Variants in SOX5 observed in about 807,000 individuals in gnomAD.
The protein encoded by SOX5 is SRY-box transcription factor 5.
Under a neutral mutation model 92.0 loss-of-function variants are expected in SOX5, and 9 were observed. That is an observed-to-expected ratio of 0.10 (90% CI 0.06 to 0.17). SOX5 has a LOEUF of 0.17. SOX5 is among the 10% of genes least tolerant of loss of function. The pLI, the probability that SOX5 is intolerant of heterozygous loss-of-function variation, is 1.00. For synonymous variants in SOX5, 344 were observed against 336.3 expected, an observed-to-expected ratio of 1.02 and a Z score of -0.25; for missense variants, 642 against 944.5, an observed-to-expected ratio of 0.68 and a Z score of 4.20.
chr12:24,012,917 A>G (rs28569416), intron 4 of SOX5, among the ~76,000 whole-genome samples: 22,711 of 152,136 alleles, frequency 0.15, 1,861 homozygotes, highest in Non-Finnish European at 0.19. Flanking sequence ...AGTAGAAGCA[A>G]TAGGAACTAT....
rs529703660 is a variant in SOX5 at position 23,947,570 on chromosome 12, C to T, written c.38+1994G>A. Among the ~76,000 whole-genome samples the T allele has an allele frequency of 3.3e-5, 5 of 151,602 alleles. No homozygotes were observed. The East Asian group carries it at 5.8e-4, about 18-fold the overall frequency. On this transcript the variant is annotated intron_variant, in intron 1 of 14. Transcript: ENST00000451604. ...AACCACAGGGGAAATTATTAAGGAA[C>T]GTTATATTGTGTGACATTTTTCAGA...
At chr12:24,418,981 G>A (rs552687242) in intron 1 of SOX5, among the ~76,000 whole-genome samples, 15 of 152,148 alleles carry the variant, frequency 9.9e-5, no homozygotes, top group Non-Finnish European at 2.2e-4. Flanking sequence ...ACCTAGATTG[G>A]CCCAGAAATT....
intron 4 of SOX5, among the ~76,000 whole-genome samples, chr12:24,030,074 A>G (rs1955316472): frequency 6.6e-6 from 1 of 151,950 alleles, no homozygotes; most frequent in Non-Finnish European, 1.5e-5. Context: ...CACAAGCTCA[A>G]TTACATAGTA....
chr12:24,097,336 T>C (rs999724633), intron 4 of SOX5, among the ~76,000 whole-genome samples: 2 of 152,212 alleles, frequency 1.3e-5, no homozygotes, highest in Admixed American at 1.3e-4. Context: ...TATACTCTTT[T>C]ATAGTGTCCT....
At chr12:24,128,533 C>T (rs1349740096) in intron 4 of SOX5, among the ~76,000 whole-genome samples, 1 of 152,140 alleles carries the variant, frequency 6.6e-6, no homozygotes, top group African/African-American at 2.4e-5. Flanking sequence ...GATATTTTGG[C>T]TGAGACCTAA....
At chr12:23,667,609 G>C (rs1057038826) in intron 6 of SOX5, among the ~76,000 whole-genome samples, 1 of 152,084 alleles carries the variant, frequency 6.6e-6, no homozygotes, top group African/African-American at 2.4e-5. Flanking sequence ...AATTGTTCAA[G>C]ATCCCATATT....
chr12:23,601,034 A>G (rs1441522190), intron 9 of SOX5, among the ~76,000 whole-genome samples: 1 of 152,136 alleles, frequency 6.6e-6, no homozygotes, highest in Non-Finnish European at 1.5e-5. Context: ...CAGGAATGCT[A>G]AGTGAAATCA....
At chr12:23,886,323 G>T (rs1238589203) in intron 2 of SOX5, among the ~76,000 whole-genome samples, 1 of 152,142 alleles carries the variant, frequency 6.6e-6, no homozygotes, top group Non-Finnish European at 1.5e-5. Flanking sequence ...AGATCCAAAT[G>T]AAGTGTTAAT....
intron 3 of SOX5, among the ~76,000 whole-genome samples, chr12:23,810,031 A>G (rs1354963486): frequency 6.6e-6 from 1 of 152,150 alleles, no homozygotes; most frequent in African/African-American, 2.4e-5. Context: ...GCAACAAAAC[A>G]TCCTACTGAG....
At chr12:24,267,162 G>T (rs1192348300) in intron 3 of SOX5, among the ~76,000 whole-genome samples, 5 of 152,092 alleles carry the variant, frequency 3.3e-5, no homozygotes, top group African/African-American at 1.2e-4. Context: ...GGAGATCAAG[G>T]TTGCAGTGAG....
At chr12:23,621,733 C>T (rs2077206935) in intron 8 of SOX5, among the ~76,000 whole-genome samples, 1 of 152,112 alleles carries the variant, frequency 6.6e-6, no homozygotes, top group Non-Finnish European at 1.5e-5. Context: ...GTACCAGATC[C>T]TAAATCAACC....
Position 24,327,789 on chromosome 12 carries a change from T to C in SOX5, c.-174+40774A>G, listed in dbSNP as rs558122265. ...GTGTGTTTTTAGTAGATATGGGGTT[T>C]CACCATATTAACCAGGATGGTCTCC... On this transcript the variant is annotated intron_variant, in intron 2 of 4. Transcript: ENST00000446891. Among the ~76,000 whole-genome samples, 90 of 152,024 alleles carry C rather than the reference T, an allele frequency of 5.9e-4. No homozygotes were observed. In the South Asian group the frequency reaches 0.018, roughly 31 times the overall value.
intron 3 of SOX5, among the ~76,000 whole-genome samples, chr12:23,766,775 A>G (rs1384568775): frequency 6.6e-6 from 1 of 152,170 alleles, no homozygotes; most frequent in African/African-American, 2.4e-5. Flanking sequence ...AACATTTTTA[A>G]TGCAAGAAAA....
At chr12:23,708,920 G>A (rs1315590019) in intron 6 of SOX5, among the ~76,000 whole-genome samples, 1 of 151,886 alleles carries the variant, frequency 6.6e-6, no homozygotes, top group South Asian at 2.1e-4. Context: ...GTTAATACAA[G>A]GTACCTCTAT....
intron 1 of SOX5, among the ~76,000 whole-genome samples, chr12:24,370,651 G>T (rs991145484): frequency 2.0e-5 from 3 of 152,026 alleles, no homozygotes; most frequent in African/African-American, 4.8e-5. Context: ...AATTAGCCAG[G>T]CGTGGGGGCA....
At chr12:23,907,256 C>T (rs779622393) in intron 1 of SOX5, among the ~76,000 whole-genome samples, 13 of 151,588 alleles carry the variant, frequency 8.6e-5, no homozygotes, top group African/African-American at 1.7e-4. Flanking sequence ...AGGAAGAGGA[C>T]GAAGAGGAGG....
intron 1 of SOX5, among the ~76,000 whole-genome samples, chr12:24,431,560 A>G (rs895001868): frequency 7.3e-5 from 11 of 150,902 alleles, no homozygotes; most frequent in African/African-American, 2.7e-4. Flanking sequence ...TTTTTTGATC[A>G]GAACAGTTAC....
At chr12:23,551,989 T>C (rs1042031215) in intron 11 of SOX5, among the ~76,000 whole-genome samples, 68 of 151,934 alleles carry the variant, frequency 4.5e-4, no homozygotes, top group Non-Finnish European at 6.6e-4. Context: ...TAAGAAGTAC[T>C]ACAAAGTCGA....
At chr12:24,190,640 C>T (rs1478093167) in intron 4 of SOX5, among the ~76,000 whole-genome samples, 1 of 152,074 alleles carries the variant, frequency 6.6e-6, no homozygotes, top group East Asian at 1.9e-4. Context: ...ATATTTGGAG[C>T]CATTGTGGGT....
Sources: allele counts gnomAD v4.1 joint callset (sites outside exome capture counted in the v4.1 genomes callset), GRCh38; gene constraint gnomAD v4.1.1; transcripts MANE v1.5; gene names NCBI Gene and HGNC (gene_info 2026-07-23, HGNC 2026-07-21).